RAPGEF6: variants seen among roughly 807,000 people sequenced by gnomAD.
The protein encoded by RAPGEF6 is PDZ domain containing guanine nucleotide exchange factor (GEF) 2.
In RAPGEF6, 56 loss-of-function variants were observed where a neutral mutation model predicts 171.4. That is an observed-to-expected ratio of 0.33 (90% CI 0.26 to 0.41). The LOEUF is 0.41. Ranked by LOEUF, RAPGEF6 falls within the 10% of genes least tolerant of loss-of-function variation. The pLI, the probability that RAPGEF6 is intolerant of heterozygous loss-of-function variation, is 1.00. For missense variants in RAPGEF6, 1,674 were observed against 1,921.4 expected (o/e 0.87, Z 2.41); for synonymous variants, 692 against 650.1 (o/e 1.06, Z -0.98).
At chr5:131,547,508 C>CTTTT (rs537121153) in intron 6 of RAPGEF6, among the ~76,000 whole-genome samples, 1 of 132,472 alleles carries the variant, frequency 7.5e-6, no homozygotes, top group Non-Finnish European at 1.6e-5. Flanking sequence ...ACACAGCTTA[C>CTTTT]TTTTTTTTTT....
chr5:131,561,017 C>T (rs1761563630), intron 5 of RAPGEF6, among the ~76,000 whole-genome samples: 1 of 152,114 alleles, frequency 6.6e-6, no homozygotes, highest in African/African-American at 2.4e-5. Flanking sequence ...ACATGAGATC[C>T]TAGTAGGACA....
At chr5:131,593,964 A>T (rs999096518) in intron 3 of RAPGEF6, among the ~76,000 whole-genome samples, 7 of 152,226 alleles carry the variant, frequency 4.6e-5, no homozygotes, top group Non-Finnish European at 8.8e-5. Flanking sequence ...CTCTGGGGAG[A>T]AATTCAAGCC....
chr5:131,547,605 G>C (rs1478173406), intron 6 of RAPGEF6, among the ~76,000 whole-genome samples: 1 of 151,488 alleles, frequency 6.6e-6, no homozygotes, highest in African/African-American at 2.4e-5. Flanking sequence ...TGCCTCCTGG[G>C]TTCAAGCAAT....
chr5:131,427,411 G>A lies in RAPGEF6; in HGVS notation c.4781-120C>T, dbSNP rs1580808674. On this transcript the variant is annotated intron_variant, in intron 27 of 27. Coordinates refer to ENST00000509018, the MANE Select transcript of RAPGEF6 (RefSeq NM_016340.6). ...GAAATCCTCTCAAACATTGCATCGA[G>A]GCCCAGATTTTATTATAATAATACC... The A allele has an allele frequency of 3.7e-6, 3 of 805,626 alleles. No individual in the cohort carries two copies. In the East Asian group the frequency reaches 8.1e-5, roughly 22 times the overall value. 49.9% of individuals were successfully genotyped at this position (805,626 alleles called of 1,614,324 possible).
intron 4 of RAPGEF6, among the ~76,000 whole-genome samples, chr5:131,570,041 CAAAAAAAAA>C (rs34729268): frequency 4.4e-4 from 12 of 27,472 alleles, no homozygotes; most frequent in African/African-American, 1.9e-3. Flanking sequence ...GACTCTGTCT[CAAAAAAAAA>C]AAAAAAAAAA....
At chr5:131,522,440 G>A (rs939813474) in intron 6 of RAPGEF6, among the ~76,000 whole-genome samples, 54 of 152,096 alleles carry the variant, frequency 3.6e-4, no homozygotes, top group African/African-American at 1.2e-3. Flanking sequence ...GTTCCTCATT[G>A]CTTTACTAAT....
At chr5:131,564,132 T>C (rs562575436) in intron 4 of RAPGEF6, among the ~76,000 whole-genome samples, 2 of 152,272 alleles carry the variant, frequency 1.3e-5, no homozygotes, top group African/African-American at 2.4e-5. Flanking sequence ...TTTCGCTGAG[T>C]TGAAAAGCTA....
chr5:131,613,296 G>A (rs1454957841), intron 1 of RAPGEF6, among the ~76,000 whole-genome samples: 2 of 152,176 alleles, frequency 1.3e-5, no homozygotes, highest in African/African-American at 4.8e-5. Context: ...TACAGTCCCA[G>A]CTTCTTGGGA....
intron 4 of RAPGEF6, among the ~76,000 whole-genome samples, chr5:131,584,575 C>G (rs145168757): frequency 6.6e-6 from 1 of 152,272 alleles, no homozygotes; most frequent in East Asian, 1.9e-4. Flanking sequence ...GTCATTATTC[C>G]AAAAGTCACA....
intron 4 of RAPGEF6, among the ~76,000 whole-genome samples, chr5:131,589,590 T>C (rs1233581975): frequency 6.6e-6 from 1 of 152,246 alleles, no homozygotes; most frequent in East Asian, 1.9e-4. Context: ...AGTTATTTAC[T>C]GCCTCTCCAA....
At chr5:131,500,348 C>T (rs13163091) in intron 11 of RAPGEF6, among the ~76,000 whole-genome samples, 117,755 of 152,066 alleles carry the variant, frequency 0.77, 45,872 homozygotes, top group Middle Eastern at 0.82. Flanking sequence ...TGTTTTATTA[C>T]TCAGGCCAAT....
intron 15 of RAPGEF6, among the ~76,000 whole-genome samples, chr5:131,486,752 T>TA (rs1424526494): frequency 2.1e-5 from 3 of 140,596 alleles, no homozygotes; most frequent in Non-Finnish European, 4.6e-5. Flanking sequence ...TTTTTTGAGA[T>TA]AGAGTCTCGC....
chr5:131,507,969 T>TTCAAAAATCAGTAC, intron 9 of RAPGEF6, 102 bp downstream of exon 9: 1 of 1,082,572 alleles, frequency 9.2e-7, no homozygotes, highest in Non-Finnish European at 1.3e-6. Context: ...CTGTATAAAT[T>TTCAAAAATCAGTAC]TCAAAAATCA....
chr5:131,570,182 A>T, intron 4 of RAPGEF6, among the ~76,000 whole-genome samples: 1 of 152,224 alleles, frequency 6.6e-6, no homozygotes, highest in Non-Finnish European at 1.5e-5. Flanking sequence ...AATGGAGAAA[A>T]TGTCTGAATA....
chr5:131,542,458 C>G (rs1398784902), intron 6 of RAPGEF6, among the ~76,000 whole-genome samples: 1 of 152,128 alleles, frequency 6.6e-6, no homozygotes, highest in Non-Finnish European at 1.5e-5. Flanking sequence ...ACACAGGACA[C>G]TAAGCAAGCT....
intron 6 of RAPGEF6, among the ~76,000 whole-genome samples, chr5:131,537,669 C>A (rs984894107): frequency 1.3e-5 from 2 of 152,140 alleles, no homozygotes; most frequent in Non-Finnish European, 2.9e-5. Context: ...CATTCAGCAT[C>A]ATCTAAATTA....
intron 4 of RAPGEF6, among the ~76,000 whole-genome samples, chr5:131,583,299 A>C (rs1383759459): frequency 6.6e-6 from 1 of 152,156 alleles, no homozygotes; most frequent in Non-Finnish European, 1.5e-5. Flanking sequence ...TTTAGACACA[A>C]CTTATGAGTA....
chr5:131,593,753 A>C (rs1275627014), intron 3 of RAPGEF6, among the ~76,000 whole-genome samples: 1 of 152,218 alleles, frequency 6.6e-6, no homozygotes, highest in Non-Finnish European at 1.5e-5. Context: ...AGAACTTGAG[A>C]CATGATTTAG....
At chr5:131,477,241 T>C (rs1755162606) in intron 16 of RAPGEF6, among the ~76,000 whole-genome samples, 1 of 152,200 alleles carries the variant, frequency 6.6e-6, no homozygotes, top group Non-Finnish European at 1.5e-5. Flanking sequence ...CAAAATAGGC[T>C]CCAGAAACCT....
Sources: allele counts gnomAD v4.1 joint callset (sites outside exome capture counted in the v4.1 genomes callset), GRCh38; gene constraint gnomAD v4.1.1; transcripts MANE v1.5; gene names NCBI Gene and HGNC (gene_info 2026-07-23, HGNC 2026-07-21).